GPC6: variants seen among roughly 807,000 people sequenced by gnomAD.
GPC6 encodes the protein glypican 6.
A neutral mutation model predicts 55.2 loss-of-function variants in GPC6; 14 were observed. That is an observed-to-expected ratio of 0.25 (90% CI 0.17 to 0.40). The LOEUF is 0.40. Among genes scored for constraint, GPC6 ranks in the 10% least tolerant of loss-of-function variants. GPC6 has a pLI of 1.00. For missense variants in GPC6, 641 were observed against 708.5 expected (o/e 0.90, Z 1.08); for synonymous variants, 278 against 259.6 (o/e 1.07, Z -0.68).
intron 4 of GPC6, among the ~76,000 whole-genome samples, chr13:94,245,063 C>T (rs1891157648): frequency 6.6e-6 from 1 of 152,012 alleles, no homozygotes; most frequent in African/African-American, 2.4e-5. Flanking sequence ...AGCAAAAATT[C>T]TGAATATACT....
intron 4 of GPC6, chr13:94,186,883 T>C (rs1015953678): frequency 1.3e-5 from 2 of 152,238 alleles, no homozygotes; most frequent in Non-Finnish European, 2.9e-5. Flanking sequence ...TGCTTAGCTA[T>C]GTTTCTGTAG....
At chr13:93,822,069 G>A (rs1378289207) in intron 2 of GPC6, among the ~76,000 whole-genome samples, 1 of 151,014 alleles carries the variant, frequency 6.6e-6, no homozygotes, top group Non-Finnish European at 1.5e-5. Flanking sequence ...ATAATATTTT[G>A]CATAAAATAC....
chr13:93,808,783 A>G (rs1886611752), intron 2 of GPC6, among the ~76,000 whole-genome samples: 1 of 152,230 alleles, frequency 6.6e-6, no homozygotes, highest in Non-Finnish European at 1.5e-5. Context: ...AAATCAGAAC[A>G]GAACCAACCA....
intron 4 of GPC6, among the ~76,000 whole-genome samples, chr13:94,177,379 A>G (rs996070267): frequency 1.7e-4 from 26 of 152,172 alleles, no homozygotes; most frequent in Non-Finnish European, 3.5e-4. Context: ...TTTGCAGCAA[A>G]TATGACTTTT....
intron 1 of GPC6, among the ~76,000 whole-genome samples, chr13:93,440,941 G>A (rs1272917441): frequency 2.6e-5 from 4 of 151,600 alleles, no homozygotes; most frequent in East Asian, 3.9e-4. Flanking sequence ...GAGAACATGC[G>A]GTATTTGGTT....
At chr13:94,232,785 T>C (rs1890770160) in intron 4 of GPC6, among the ~76,000 whole-genome samples, 1 of 152,038 alleles carries the variant, frequency 6.6e-6, no homozygotes, top group East Asian at 1.9e-4. Context: ...TGAGTTTTTA[T>C]GTGTCTCGGA....
chr13:93,261,833 A>G (rs1489774731), intron 1 of GPC6, among the ~76,000 whole-genome samples: 1 of 152,080 alleles, frequency 6.6e-6, no homozygotes, highest in Non-Finnish European at 1.5e-5. Context: ...TGTTAAGGAT[A>G]GGCAAATGTC....
At chr13:94,000,098 T>C (rs1212607759) in intron 3 of GPC6, among the ~76,000 whole-genome samples, 1 of 152,172 alleles carries the variant, frequency 6.6e-6, no homozygotes. Flanking sequence ...TGCTTTTCCT[T>C]GTTTGTTTCT....
At chr13:93,280,863 C>T (rs117342357) in intron 1 of GPC6, among the ~76,000 whole-genome samples, 1,553 of 152,270 alleles carry the variant, frequency 0.01, 7 homozygotes, top group Non-Finnish European at 0.017. Context: ...CAGCCTAGAT[C>T]CCTTGCATGC....
intron 4 of GPC6, among the ~76,000 whole-genome samples, chr13:94,172,766 C>T (rs571822181): frequency 6.6e-6 from 1 of 152,274 alleles, no homozygotes; most frequent in African/African-American, 2.4e-5. Context: ...GACCAAGTTA[C>T]GTGCATTTCT....
chr13:93,912,893 C>T (rs1024850170), intron 3 of GPC6, among the ~76,000 whole-genome samples: 2 of 152,164 alleles, frequency 1.3e-5, no homozygotes, highest in Non-Finnish European at 2.9e-5. Context: ...CCTTGTCTTT[C>T]CTTGGCTTTG....
At chr13:94,035,590 A>T (rs1883305758) in intron 4 of GPC6, among the ~76,000 whole-genome samples, 1 of 152,052 alleles carries the variant, frequency 6.6e-6, no homozygotes, top group Non-Finnish European at 1.5e-5. Flanking sequence ...AGAATAAAGG[A>T]AGGCGGTTTA....
chr13:93,896,334 C>T (rs984755156), intron 3 of GPC6, among the ~76,000 whole-genome samples: 1 of 151,936 alleles, frequency 6.6e-6, no homozygotes, highest in Admixed American at 6.6e-5. Context: ...CGTTTTTTCA[C>T]CTCTAAGTCC....
chr13:93,932,061 T>C (rs1378945814), intron 3 of GPC6, among the ~76,000 whole-genome samples: 1 of 152,196 alleles, frequency 6.6e-6, no homozygotes, highest in Non-Finnish European at 1.5e-5. Flanking sequence ...ATGAGAACAT[T>C]TTTACTGAAC....
At chr13:93,923,717 C>T (rs1877697421) in intron 3 of GPC6, among the ~76,000 whole-genome samples, 1 of 152,152 alleles carries the variant, frequency 6.6e-6, no homozygotes, top group Non-Finnish European at 1.5e-5. Context: ...GTTTAAATAA[C>T]CCATGGTGGA....
chr13:93,318,392 A>G (rs1392927451), intron 1 of GPC6, among the ~76,000 whole-genome samples: 1 of 152,170 alleles, frequency 6.6e-6, no homozygotes, highest in Non-Finnish European at 1.5e-5. Flanking sequence ...TTTCTGTAAC[A>G]AATTTCAGAT....
chr13:94,306,276 G>T, intron 6 of GPC6, 153 bp downstream of exon 6: 1 of 791,194 alleles, frequency 1.3e-6, no homozygotes. Flanking sequence ...AAAAGTAATG[G>T]GATCTTTCTT....
chr13:94,199,851 T>G (rs1008265423), intron 4 of GPC6, among the ~76,000 whole-genome samples: 2 of 152,088 alleles, frequency 1.3e-5, no homozygotes, highest in African/African-American at 2.4e-5. Context: ...AAGGCAGAGT[T>G]TCTCGTGTGT....
chr13:93,671,989 A>G (rs1474161272), intron 2 of GPC6, among the ~76,000 whole-genome samples: 1 of 152,156 alleles, frequency 6.6e-6, no homozygotes, highest in Non-Finnish European at 1.5e-5. Flanking sequence ...CACTATGATT[A>G]GTTCTAATTA....
Sources: gnomAD v4.1 joint callset for allele counts (sites outside exome capture counted in the v4.1 genomes callset) on GRCh38, gnomAD v4.1.1 for gene constraint, MANE v1.5 for transcripts, NCBI Gene and HGNC (gene_info 2026-07-23, HGNC 2026-07-21) for gene names.